Variants in SRPK2 observed in about 807,000 individuals in gnomAD.
SRPK2 encodes the protein SFRS protein kinase 2.
In SRPK2, 21 loss-of-function variants were observed where a neutral mutation model predicts 90.8. That is an observed-to-expected ratio of 0.23 (90% CI 0.16 to 0.33). SRPK2 has a LOEUF of 0.33. Among genes scored for constraint, SRPK2 ranks in the 10% least tolerant of loss-of-function variants. SRPK2 has a pLI of 1.00. For missense variants in SRPK2, 620 were observed against 869.0 expected, an observed-to-expected ratio of 0.71 and a Z score of 3.60; for synonymous variants, 288 against 311.1, an observed-to-expected ratio of 0.93 and a Z score of 0.78.
At chr7:105,205,194 T>C (rs1796043429) in intron 2 of SRPK2, among the ~76,000 whole-genome samples, 2 of 151,810 alleles carry the variant, frequency 1.3e-5, no homozygotes, top group South Asian at 4.2e-4. Flanking sequence ...AAAAAACCCA[T>C]ACGGCCACAA....
chr7:105,229,373 A>G (rs1194232929), intron 2 of SRPK2, among the ~76,000 whole-genome samples: 3 of 152,128 alleles, frequency 2.0e-5, no homozygotes, highest in Non-Finnish European at 1.5e-5. Context: ...CTGAGGCAGA[A>G]GAATGGCGTG....
chr7:105,307,492 A>G (rs1451306071), intron 2 of SRPK2, among the ~76,000 whole-genome samples: 1 of 152,250 alleles, frequency 6.6e-6, no homozygotes, highest in African/African-American at 2.4e-5. Flanking sequence ...CCTTGCTGGC[A>G]GTGCCATCCA....
At chr7:105,234,903 G>T (rs932289555) in intron 2 of SRPK2, among the ~76,000 whole-genome samples, 2 of 152,220 alleles carry the variant, frequency 1.3e-5, no homozygotes, top group East Asian at 3.8e-4. Flanking sequence ...GAAGAAAGAG[G>T]TGTTAGACCA....
intron 3 of SRPK2, among the ~76,000 whole-genome samples, chr7:105,179,762 T>C (rs1443998412): frequency 7.5e-6 from 1 of 133,388 alleles, no homozygotes; most frequent in Non-Finnish European, 1.5e-5. Context: ...GAGGCAGAGG[T>C]TGCAGTGAGC....
At chr7:105,132,385 G>A (rs1231490466) in intron 13 of SRPK2, among the ~76,000 whole-genome samples, 5 of 152,210 alleles carry the variant, frequency 3.3e-5, no homozygotes, top group Non-Finnish European at 7.4e-5. Context: ...CCACCTGCCC[G>A]CCTTAGGCAG....
chr7:105,273,456 C>T (rs1305046894), intron 2 of SRPK2, among the ~76,000 whole-genome samples: 2 of 149,598 alleles, frequency 1.3e-5, no homozygotes, highest in Non-Finnish European at 3.0e-5. Flanking sequence ...GACAGAGTCT[C>T]GTTCTGCCAC....
intron 2 of SRPK2, among the ~76,000 whole-genome samples, chr7:105,314,764 G>A (rs1483457073): frequency 6.6e-6 from 1 of 152,186 alleles, no homozygotes. Flanking sequence ...ATGCTCATAG[G>A]TGTATAGCAC....
At chr7:105,182,207 G>T (rs1408599618) in intron 3 of SRPK2, among the ~76,000 whole-genome samples, 1 of 143,946 alleles carries the variant, frequency 6.9e-6, no homozygotes, top group East Asian at 2.1e-4. Context: ...CTCCAGCCTG[G>T]GCAACAAGTG....
At chr7:105,264,529 C>A (rs1241988257) in intron 2 of SRPK2, among the ~76,000 whole-genome samples, 1 of 152,182 alleles carries the variant, frequency 6.6e-6, no homozygotes, top group East Asian at 1.9e-4. Context: ...TCTCTCCTCT[C>A]CTGAACAAGA....
chr7:105,174,378 G>A (rs1791568955), intron 3 of SRPK2, among the ~76,000 whole-genome samples: 1 of 152,100 alleles, frequency 6.6e-6, no homozygotes, highest in Admixed American at 6.5e-5. Context: ...AGAACTCCAT[G>A]ACAATGTTCT....
intron 11 of SRPK2, among the ~76,000 whole-genome samples, chr7:105,141,184 A>C (rs1237265752): frequency 6.6e-6 from 1 of 152,206 alleles, no homozygotes; most frequent in Admixed American, 6.5e-5. Flanking sequence ...TGCGTAACAA[A>C]GCCAGCTTAC....
intron 2 of SRPK2, among the ~76,000 whole-genome samples, chr7:105,247,483 C>T (rs1801821856): frequency 6.6e-6 from 1 of 150,760 alleles, no homozygotes; most frequent in African/African-American, 2.4e-5. Context: ...TACACAACTA[C>T]AAATAACACC....
intron 3 of SRPK2, among the ~76,000 whole-genome samples, chr7:105,183,041 C>T (rs1422961422): frequency 6.6e-6 from 1 of 152,128 alleles, no homozygotes; most frequent in South Asian, 2.1e-4. Context: ...CAAGCTATCA[C>T]GGGATCCACA....
intron 2 of SRPK2, chr7:105,301,547 A>T: frequency 6.4e-7 from 1 of 1,561,500 alleles, no homozygotes; most frequent in Non-Finnish European, 8.8e-7. Context: ...CAGGAGATGG[A>T]ACTAGAAGCA....
At chr7:105,341,740 G>A (rs1815816933) in intron 2 of SRPK2, among the ~76,000 whole-genome samples, 1 of 152,208 alleles carries the variant, frequency 6.6e-6, no homozygotes, top group South Asian at 2.1e-4. Flanking sequence ...GGCTGAGGTG[G>A]GTGATCACCT....
At chr7:105,165,282 T>C (rs1218739562) in intron 6 of SRPK2, among the ~76,000 whole-genome samples, 1 of 152,186 alleles carries the variant, frequency 6.6e-6, no homozygotes, top group Non-Finnish European at 1.5e-5. Context: ...CTTAGTAGCA[T>C]GGTCAAAACT....
At chr7:105,376,074 A>G (rs1820257683) in intron 2 of SRPK2, among the ~76,000 whole-genome samples, 1 of 136,036 alleles carries the variant, frequency 7.4e-6, no homozygotes, top group Non-Finnish European at 1.5e-5. Flanking sequence ...GCTCAATGCA[A>G]GCTCCGCCTT....
rs188175965 is a variant in SRPK2 at position 105,295,487 on chromosome 7, A to C, written c.72-91702T>G. On this transcript the variant is annotated intron_variant, in intron 2 of 15. Coordinates refer to ENST00000393651, the MANE Select transcript of SRPK2 (RefSeq NM_182692.3). ...CACTAAAAGGAATGAAGTATGACAC[A>C]TGCTACAAGATGGATAAACCTTGAA... Among the ~76,000 whole-genome samples the C allele has an allele frequency of 3.6e-4, 55 of 152,324 alleles. 1 individual carries two copies. In the East Asian group the frequency reaches 0.01, roughly 28 times the overall value.
At chr7:105,360,193 G>C (rs989555646) in intron 2 of SRPK2, among the ~76,000 whole-genome samples, 3 of 152,016 alleles carry the variant, frequency 2.0e-5, no homozygotes, top group Non-Finnish European at 1.5e-5. Context: ...TCAGAGACTA[G>C]GATCTCGACC....
Sources: gnomAD v4.1 joint callset for allele counts (sites outside exome capture counted in the v4.1 genomes callset) on GRCh38, gnomAD v4.1.1 for gene constraint, MANE v1.5 for transcripts, NCBI Gene and HGNC (gene_info 2026-07-23, HGNC 2026-07-21) for gene names.